Variants in KCTD1 observed in about 807,000 individuals in gnomAD.
KCTD1 encodes the protein BTB/POZ domain-containing protein KCTD1.
A neutral mutation model predicts 66.0 loss-of-function variants in KCTD1; 24 were observed. That is an observed-to-expected ratio of 0.36 (90% CI 0.26 to 0.51). KCTD1 has a LOEUF of 0.51. Among genes scored for constraint, KCTD1 ranks in the 20% least tolerant of loss-of-function variants. The probability of loss-of-function intolerance (pLI) is 0.95; values close to 1 mark genes in which losing one functional copy is unlikely to be tolerated. For missense variants in KCTD1, 943 were observed against 1,205.2 expected, an observed-to-expected ratio of 0.78 and a Z score of 3.22; for synonymous variants, 511 against 517.2, an observed-to-expected ratio of 0.99 and a Z score of 0.16.
chr18:26,623,824 G>A (rs186253729), intron 1 of KCTD1, among the ~76,000 whole-genome samples: 1 of 152,274 alleles, frequency 6.6e-6, no homozygotes, highest in Non-Finnish European at 1.5e-5. Flanking sequence ...GAAGACAACA[G>A]GAAAATGTGG....
At chr18:26,578,340 C>T (rs1199508864) in intron 1 of KCTD1, among the ~76,000 whole-genome samples, 1 of 152,104 alleles carries the variant, frequency 6.6e-6, no homozygotes, top group Non-Finnish European at 1.5e-5. Context: ...AAGAACTGAA[C>T]CGCCTTTAAT....
chr18:26,512,738 T>C (rs1983402151), intron 1 of KCTD1, among the ~76,000 whole-genome samples: 1 of 152,140 alleles, frequency 6.6e-6, no homozygotes, highest in Admixed American at 6.5e-5. Context: ...CCCAGCACTT[T>C]GGGAGGCCAA....
In KCTD1 at chr18:26,548,008, G is replaced by C; in HGVS notation, c.529C>G (p.Arg177Gly). The C allele has an allele frequency of 6.5e-7, 1 of 1,531,402 alleles. No homozygotes were observed. The highest frequency in any genetic ancestry group is 1.2e-5 in the South Asian group (1 of 83,246). The allele number at this position is 1,531,402 out of a possible 1,614,324, so 94.9% of individuals were successfully genotyped here. A position where few individuals can be genotyped will look rare whatever the true frequency, so the allele number is the denominator to read the frequency against. ...TCCCGGAAGATGCGCACGGCGTAGC[G>C]GGTGGCCAGCCGGGTGTTCTCGCTC... ...RLSENTRLAT[R>G]YAVRIFREYL... Residue 177 changes from arginine to glycine, a missense_variant, in exon 1 of 5, where the codon CGC (arginine) becomes GGC (glycine). By Grantham distance (125) the Arg-to-Gly change is moderately radical. This residue lies in a region of KCTD1 where 96 missense variants were observed against 132.5 expected (regional missense o/e 0.72). Transcript: ENST00000580059.
At chr18:26,457,125 A>G (rs1175097567) in intron 4 of KCTD1, 2 of 151,652 alleles carry the variant, frequency 1.3e-5, no homozygotes, top group Non-Finnish European at 2.9e-5. Flanking sequence ...TATGTTTTCT[A>G]AAAATTAATT....
chr18:26,455,618 ATG>A lies in KCTD1; in HGVS notation c.*123_*124del. On this transcript the variant is annotated 3_prime_UTR_variant, in exon 5 of 5. Coordinates refer to ENST00000580059, the MANE Select transcript of KCTD1 (RefSeq NM_001142730.3). Reference sequence around the variant, plus strand: ...CAGGTGTGGTCTCTATTGGATATAAATGTGTCTTTTATTCGATTTTACGTCCA... The same window carrying A: ...CAGGTGTGGTCTCTATTGGATATAAATGTCTTTTATTCGATTTTACGTCCA... 8.7e-7 allele frequency: 1 copy of A among 1,153,576 alleles called. No homozygotes were observed. Among genetic ancestry groups the A allele is most frequent in the Non-Finnish European group, 1.3e-6 (1 of 790,178 alleles). The allele number at this position is 1,153,576 out of a possible 1,614,324, so 71.5% of individuals were successfully genotyped here.
chr18:26,636,772 G>A lies in KCTD1; in HGVS notation c.-107+3539C>T, dbSNP rs140174241. Among the ~76,000 whole-genome samples, 496 of 152,286 alleles carry A rather than the reference G, an allele frequency of 3.3e-3. 2 individuals are homozygous for A. The highest frequency in any genetic ancestry group is 0.011 in the African/African-American group (456 of 41,552). ...TGAGCTGCCAGAATGGTCCTGCCAC[G>A]CTTCAGAGAAACCCAAAGTGTTCAT... On this transcript the variant is annotated intron_variant, in intron 1 of 5. Coordinates refer to the KCTD1 transcript ENST00000579973.
chr18:26,468,039 A>T lies in KCTD1; in HGVS notation c.2134-8114T>A, dbSNP rs1980844906. ...AGAGAGAGAGAGAGAGAAAGAGAGAATTGTGTGGTTCTCCATAAAAAATGG... is the reference window on the plus strand; with the variant it reads ...AGAGAGAGAGAGAGAGAAAGAGAGATTTGTGTGGTTCTCCATAAAAAATGG... On this transcript the variant is annotated intron_variant, in intron 3 of 4. Transcript: ENST00000580059. The surrounding 1 kb of genome is among the most constrained non-coding windows in gnomAD (Gnocchi z 4.8). Among the ~76,000 whole-genome samples the T allele has an allele frequency of 6.6e-6, 1 of 152,068 alleles. No homozygotes were observed. Among genetic ancestry groups the T allele is most frequent in the Non-Finnish European group, 1.5e-5 (1 of 68,004 alleles).
intron 3 of KCTD1, among the ~76,000 whole-genome samples, chr18:26,465,923 A>G (rs1318741864): frequency 6.6e-6 from 1 of 152,148 alleles, no homozygotes; most frequent in Non-Finnish European, 1.5e-5. Context: ...TAGTCACCAG[A>G]CCACGGATAC....
chr18:26,509,193 A>G (rs890130613), intron 1 of KCTD1, among the ~76,000 whole-genome samples: 1 of 151,980 alleles, frequency 6.6e-6, no homozygotes, highest in African/African-American at 2.4e-5. Flanking sequence ...GTGATTCAAA[A>G]TTGATGAGTA....
chr18:26,512,863 C>T (rs1343557850), intron 1 of KCTD1, among the ~76,000 whole-genome samples: 1 of 151,916 alleles, frequency 6.6e-6, no homozygotes. Context: ...TGCCTGTAGT[C>T]CCAGCTACTC....
chr18:26,571,799 C>A (rs1004835501), intron 1 of KCTD1, among the ~76,000 whole-genome samples: 1 of 151,902 alleles, frequency 6.6e-6, no homozygotes, highest in Non-Finnish European at 1.5e-5. Flanking sequence ...TTTCAAATAG[C>A]CATTATTAAA....
At chr18:26,606,541 A>C (rs1987019823) in intron 1 of KCTD1, among the ~76,000 whole-genome samples, 1 of 152,132 alleles carries the variant, frequency 6.6e-6, no homozygotes, top group Non-Finnish European at 1.5e-5. Context: ...GCTAGTTCTG[A>C]GTGAGAGCCT....
intron 2 of KCTD1, among the ~76,000 whole-genome samples, chr18:26,479,144 G>A (rs1373506920): frequency 2.0e-5 from 3 of 152,262 alleles, no homozygotes; most frequent in African/African-American, 7.2e-5. Context: ...GAGCAAGAGG[G>A]AGATCTGAAG....
At chr18:26,516,145 G>T (rs1044147709) in intron 1 of KCTD1, among the ~76,000 whole-genome samples, 4 of 152,072 alleles carry the variant, frequency 2.6e-5, no homozygotes, top group African/African-American at 4.8e-5. Flanking sequence ...GGTGTGGGAG[G>T]GAGTGAGAAA....
At chr18:26,640,879 C>T (rs139041382), upstream of KCTD1, among the ~76,000 whole-genome samples, 186 of 152,090 alleles carry the variant, frequency 1.2e-3, 2 homozygotes, top group African/African-American at 4.3e-3. Context: ...GAGGCATCTG[C>T]GGAGGAAGCT....
At chr18:26,639,712 TC>T (rs1207714188) in intron 1 of KCTD1, among the ~76,000 whole-genome samples, 11 of 152,208 alleles carry the variant, frequency 7.2e-5, no homozygotes, top group Admixed American at 7.2e-4. Flanking sequence ...CTTTGTTTAA[TC>T]CTCACAACAC....
At chr18:26,640,711 G>A (rs781552515), upstream of KCTD1, among the ~76,000 whole-genome samples, 20 of 152,140 alleles carry the variant, frequency 1.3e-4, no homozygotes, top group Non-Finnish European at 2.6e-4. Context: ...AGTTTACTTT[G>A]GGACCTTATA....
intron 1 of KCTD1, among the ~76,000 whole-genome samples, chr18:26,656,477 G>A (rs1988144122): frequency 6.6e-6 from 1 of 152,046 alleles, no homozygotes. Flanking sequence ...AGATGGGAGG[G>A]AGTGGGAGGG....
At chr18:26,590,777 T>A (rs776975825) in intron 1 of KCTD1, among the ~76,000 whole-genome samples, 12 of 152,190 alleles carry the variant, frequency 7.9e-5, no homozygotes, top group Non-Finnish European at 1.5e-4. Context: ...AATCTGGATG[T>A]ATTATACACA....
Sources: gnomAD v4.1 joint callset for allele counts (sites outside exome capture counted in the v4.1 genomes callset) on GRCh38, gnomAD v4.1.1 for gene constraint, gnomAD v4.1.1 regional missense constraint, Gnocchi (gnomAD v3.1) non-coding constraint, MANE v1.5 for transcripts, NCBI Gene and HGNC (gene_info 2026-07-23, HGNC 2026-07-21) for gene names.